The following KIFAP3 variants were observed in gnomAD, a reference collection of about 807,000 sequenced individuals.
KIFAP3 encodes the protein kinesin-associated protein 3.
Under a neutral mutation model 106.5 loss-of-function variants are expected in KIFAP3, and 68 were observed. The ratio of observed to expected loss-of-function variants is 0.64; its 90% CI spans 0.53 to 0.78. The LOEUF is 0.78. KIFAP3 is among the 30% of genes least tolerant of loss of function. The probability of loss-of-function intolerance (pLI) is 0.00; values close to 1 mark genes in which losing one functional copy is unlikely to be tolerated. For synonymous variants in KIFAP3, 320 were observed against 311.5 expected, an observed-to-expected ratio of 1.03 and a Z score of -0.29; for missense variants, 780 against 941.8, an observed-to-expected ratio of 0.83 and a Z score of 2.25.
chr1:170,017,648 A>C (rs1453751051), intron 9 of KIFAP3, among the ~76,000 whole-genome samples: 1 of 152,208 alleles, frequency 6.6e-6, no homozygotes, highest in Non-Finnish European at 1.5e-5. Flanking sequence ...ACTTTATTAC[A>C]CAGGCAGTGA....
chr1:170,036,648 A>G (rs1002148378), intron 5 of KIFAP3, among the ~76,000 whole-genome samples: 5 of 152,164 alleles, frequency 3.3e-5, no homozygotes, highest in Non-Finnish European at 7.4e-5. Flanking sequence ...AGTAATTCCC[A>G]AAGGTATTTG....
chr1:170,013,579 T>C (rs1252951154), intron 10 of KIFAP3, among the ~76,000 whole-genome samples: 1 of 151,884 alleles, frequency 6.6e-6, no homozygotes, highest in African/African-American at 2.4e-5. Context: ...TTCAAAGGCA[T>C]ATAGCCTGGC....
At chr1:170,064,583 G>A (rs1222076060) in intron 1 of KIFAP3, among the ~76,000 whole-genome samples, 1 of 152,044 alleles carries the variant, frequency 6.6e-6, no homozygotes, top group Non-Finnish European at 1.5e-5. Flanking sequence ...TGAACTCCTG[G>A]GCTCAAGCGA....
At chr1:170,074,956 A>G (rs962413820), upstream of KIFAP3, among the ~76,000 whole-genome samples, 2 of 152,246 alleles carry the variant, frequency 1.3e-5, no homozygotes, top group Non-Finnish European at 2.9e-5. Context: ...ACAGCAGTCC[A>G]GCTAATAAGG....
intron 10 of KIFAP3, 70 bp downstream of exon 10, chr1:170,016,392 C>T (rs1668518418): frequency 1.6e-6 from 2 of 1,268,322 alleles, no homozygotes; most frequent in East Asian, 2.5e-5. Context: ...GGCTTTTCAA[C>T]ACAGAGCTCA....
intron 19 of KIFAP3, among the ~76,000 whole-genome samples, chr1:169,942,171 T>C (rs190095406): frequency 4.6e-5 from 7 of 152,274 alleles, no homozygotes; most frequent in African/African-American, 1.7e-4. Flanking sequence ...AATAATGTTA[T>C]GACTCATTAA....
rs368576297 is a variant in KIFAP3, at chr1:169,981,931, C to T, written c.1798+41G>A. 13 of 1,466,398 alleles carry T rather than the reference C, an allele frequency of 8.9e-6. No individual in the cohort carries two copies. In the South Asian group the frequency reaches 9.7e-5, roughly 11 times the overall value. The allele number at this position is 1,466,398 out of a possible 1,614,324, so 90.8% of individuals were successfully genotyped here. Reference sequence around the variant, plus strand: ...ATATTTAAATATTTAAATCAATAAGCTGTTTAGACATTAACATAAAAATAA... The same window carrying T: ...ATATTTAAATATTTAAATCAATAAGTTGTTTAGACATTAACATAAAAATAA... On this transcript the variant is annotated intron_variant, in intron 15 of 19. Transcript: ENST00000361580.
chr1:170,063,437 C>T (rs1471738595), intron 1 of KIFAP3, among the ~76,000 whole-genome samples: 1 of 152,154 alleles, frequency 6.6e-6, no homozygotes, highest in Non-Finnish European at 1.5e-5. Context: ...ATAATATCAT[C>T]CCCAAGTCAA....
chr1:169,957,293 A>G (rs1033016397), intron 18 of KIFAP3, among the ~76,000 whole-genome samples: 4 of 152,214 alleles, frequency 2.6e-5, no homozygotes, highest in Admixed American at 2.0e-4. Context: ...GATATACACC[A>G]TAACACTCTA....
At chr1:170,052,533 A>G (rs1419455436) in intron 2 of KIFAP3, among the ~76,000 whole-genome samples, 2 of 152,168 alleles carry the variant, frequency 1.3e-5, no homozygotes, top group Non-Finnish European at 2.9e-5. Context: ...GCAGAGACAC[A>G]ACAAAAAAAA....
intron 19 of KIFAP3, among the ~76,000 whole-genome samples, chr1:169,931,482 T>C (rs922139181): frequency 2.6e-5 from 4 of 152,240 alleles, no homozygotes; most frequent in African/African-American, 9.6e-5. Flanking sequence ...TTTCTGGCAA[T>C]ATTTTAATGA....
rs1003209404 is a variant in KIFAP3 at position 169,974,018 on chromosome 1, T to G, written c.1898-1420A>C. On this transcript the variant is annotated intron_variant, in intron 16 of 19. Transcript: ENST00000361580. Reference sequence around the variant, plus strand: ...AATGAAGTGAAATTATCATATTGGATAGCAAATAACATGGAAAATAGAAGT... The same window carrying G: ...AATGAAGTGAAATTATCATATTGGAGAGCAAATAACATGGAAAATAGAAGT... Among the ~76,000 whole-genome samples the G allele has an allele frequency of 3.3e-5, 5 of 151,816 alleles. No individual in the cohort carries two copies. The East Asian group carries it at 7.7e-4, about 23-fold the overall frequency.
intron 17 of KIFAP3, among the ~76,000 whole-genome samples, chr1:169,969,218 C>T (rs942602724): frequency 6.6e-6 from 1 of 152,078 alleles, no homozygotes; most frequent in East Asian, 1.9e-4. Flanking sequence ...TTACCCATGC[C>T]CTGCTCTTGA....
intron 1 of KIFAP3, among the ~76,000 whole-genome samples, chr1:170,063,873 G>A (rs1671305064): frequency 6.6e-6 from 1 of 152,122 alleles, no homozygotes. Context: ...TGAATTTTCA[G>A]ATTAAGGCAT....
At chr1:170,046,962 A>G in intron 2 of KIFAP3, 96 bp from the exon 3 acceptor site, 1 of 670,778 alleles carries the variant, frequency 1.5e-6, no homozygotes, top group Non-Finnish European at 2.2e-6. Flanking sequence ...AAATTATTAT[A>G]GAGAACCTGG....
chr1:170,034,490 A>T lies in KIFAP3; in HGVS notation c.624T>A (p.Ser208=), dbSNP rs766750068. The part of the protein sequence containing the change: ...IYIFFCFSSF[S]QFHGLITHYK... ...AGTGAGTAATAAGTCCATGAAATTG[A>T]GAAAAGCTTTAAAGAAGACATTTTA... Residue 208 remains serine (S), a synonymous_variant, in exon 7 of 20, where the codon TCT becomes TCA. Transcript: ENST00000361580. The T allele has an allele frequency of 6.9e-7, 1 of 1,442,394 alleles. No individual in the cohort carries two copies. The highest frequency in any genetic ancestry group is 9.5e-7 in the Non-Finnish European group (1 of 1,051,132). The allele number at this position is 1,442,394 out of a possible 1,614,324, so 89.3% of individuals were successfully genotyped here.
intron 10 of KIFAP3, among the ~76,000 whole-genome samples, chr1:170,012,272 G>A (rs1040197128): frequency 5.9e-5 from 9 of 152,180 alleles, no homozygotes; most frequent in Admixed American, 2.0e-4. Context: ...AATACATGGC[G>A]TTCTGGGGCC....
chr1:169,924,045 T>C (rs1571498334), intron 19 of KIFAP3, among the ~76,000 whole-genome samples: 1 of 152,206 alleles, frequency 6.6e-6, no homozygotes, highest in Non-Finnish European at 1.5e-5. Context: ...TAATTTCCCA[T>C]GTAATTTGCC....
At chr1:170,068,841 G>GA (rs1322077941) in intron 1 of KIFAP3, 2 of 151,474 alleles carry the variant, frequency 1.3e-5, no homozygotes, top group Non-Finnish European at 2.9e-5. Context: ...TAAGGGGCTA[G>GA]AAAAAGAAGA....
Sources: gnomAD v4.1 joint callset for allele counts (sites outside exome capture counted in the v4.1 genomes callset) on GRCh38, gnomAD v4.1.1 for gene constraint, MANE v1.5 for transcripts, NCBI Gene and HGNC (gene_info 2026-07-23, HGNC 2026-07-21) for gene names.